USP47: variants seen among roughly 807,000 people sequenced by gnomAD.
USP47 encodes the protein ubiquitin specific peptidase 47.
A neutral mutation model predicts 165.1 loss-of-function variants in USP47; 35 were observed. That is an observed-to-expected ratio of 0.21 (90% CI 0.16 to 0.28). The LOEUF is 0.28. USP47 is among the 10% of genes least tolerant of loss of function. The probability of loss-of-function intolerance (pLI) is 1.00; values close to 1 mark genes in which losing one functional copy is unlikely to be tolerated. For synonymous variants in USP47, 531 were observed against 544.5 expected (o/e 0.98, Z 0.35); for missense variants, 1,277 against 1,607.4 (o/e 0.79, Z 3.52).
chr11:11,929,827 G>C (rs1289534163), intron 12 of USP47, among the ~76,000 whole-genome samples: 1 of 152,106 alleles, frequency 6.6e-6, no homozygotes, highest in Non-Finnish European at 1.5e-5. Context: ...ACCTTCATAG[G>C]TGCTACTTGT....
At chr11:11,844,317 C>A (rs865920504) in intron 1 of USP47, among the ~76,000 whole-genome samples, 3 of 152,258 alleles carry the variant, frequency 2.0e-5, no homozygotes, top group South Asian at 2.1e-4. Context: ...TTAGTCAAGG[C>A]CTTTCTCTTC....
intron 1 of USP47, among the ~76,000 whole-genome samples, chr11:11,861,150 A>AAC (rs1378220900): frequency 5.3e-5 from 8 of 152,126 alleles, no homozygotes; most frequent in Non-Finnish European, 7.4e-5. Context: ...GCTGGAGTAT[A>AAC]GTGACACGAT....
At chr11:11,854,040 C>G (rs2134154707) in intron 1 of USP47, among the ~76,000 whole-genome samples, 1 of 149,330 alleles carries the variant, frequency 6.7e-6, no homozygotes, top group South Asian at 2.1e-4. Context: ...GAGGCTGAGG[C>G]AGGAGAATGG....
chr11:11,868,516 C>T (rs919483234), intron 1 of USP47, among the ~76,000 whole-genome samples: 3 of 152,034 alleles, frequency 2.0e-5, no homozygotes, highest in Non-Finnish European at 2.9e-5. Flanking sequence ...TATGGATGTA[C>T]TATAATTTGT....
intron 2 of USP47, 120 bp downstream of exon 2, chr11:11,880,500 T>A: frequency 1.4e-6 from 1 of 702,224 alleles, no homozygotes; most frequent in Non-Finnish European, 2.0e-6. Context: ...ACAACTACAG[T>A]AAGAGCCTAT....
intron 13 of USP47, 106 bp downstream of exon 13, chr11:11,930,226 C>CCATG (rs1854563505): frequency 1.9e-6 from 2 of 1,031,822 alleles, no homozygotes; most frequent in Non-Finnish European, 2.9e-6. Context: ...GAACTACAAC[C>CCATG]CATGAGCCAA....
intron 8 of USP47, among the ~76,000 whole-genome samples, chr11:11,914,636 CAT>C (rs1283040324): frequency 4.6e-5 from 7 of 152,186 alleles, no homozygotes; most frequent in African/African-American, 7.2e-5. Flanking sequence ...ACAAAGGACT[CAT>C]ATCTAGAATA....
intron 16 of USP47, 128 bp from the exon 17 acceptor site, chr11:11,936,175 G>A: frequency 2.7e-6 from 1 of 371,362 alleles, no homozygotes; most frequent in Non-Finnish European, 4.2e-6. Flanking sequence ...TCATAAATGT[G>A]TGGATTTTGT....
intron 1 of USP47, among the ~76,000 whole-genome samples, chr11:11,877,793 C>G (rs1008720169): frequency 3.6e-5 from 2 of 55,512 alleles, no homozygotes; most frequent in Non-Finnish European, 7.2e-5. Flanking sequence ...CTCTCTTTCT[C>G]TCTCTCTCTC....
intron 4 of USP47, among the ~76,000 whole-genome samples, chr11:11,896,447 G>A (rs1402936032): frequency 6.6e-6 from 1 of 152,208 alleles, no homozygotes; most frequent in East Asian, 1.9e-4. Context: ...CAGCTCAGAA[G>A]AAGATACAGA....
At chr11:11,912,833 C>T (rs907121136) in intron 8 of USP47, among the ~76,000 whole-genome samples, 2 of 151,868 alleles carry the variant, frequency 1.3e-5, no homozygotes, top group East Asian at 1.9e-4. Context: ...GATTGATTTC[C>T]GGGATTCAAG....
At chr11:11,876,985 A>G (rs548978983) in intron 1 of USP47, among the ~76,000 whole-genome samples, 5 of 152,298 alleles carry the variant, frequency 3.3e-5, no homozygotes, top group East Asian at 3.9e-4. Context: ...ACCTTTGGGC[A>G]TAAGTAGGAT....
intron 14 of USP47, among the ~76,000 whole-genome samples, chr11:11,932,208 T>C (rs1258431797): frequency 1.3e-5 from 2 of 152,018 alleles, no homozygotes; most frequent in African/African-American, 4.8e-5. Flanking sequence ...CCACACACTT[T>C]TAAATGACCA....
At chr11:11,886,902 G>A (rs1851200281) in intron 3 of USP47, among the ~76,000 whole-genome samples, 2 of 152,276 alleles carry the variant, frequency 1.3e-5, no homozygotes, top group South Asian at 4.1e-4. Context: ...AACCCTACAA[G>A]CCAGAAGAGA....
In USP47 at chr11:11,956,072, G is replaced by T. The variant is rs747994208; in HGVS notation, c.3965G>T (p.Arg1322Leu). 1.2e-6 allele frequency: 2 copies of T among 1,605,232 alleles called. No homozygotes were observed. Among genetic ancestry groups the T allele is most frequent in the South Asian group, 1.1e-5 (1 of 89,018 alleles). Residue 1322 changes from arginine (R) to leucine (L), a missense_variant, in exon 28 of 28, where the codon CGA becomes CTA. Coordinates refer to ENST00000527733, the MANE Select transcript of USP47 (RefSeq NM_001282659.2). Reference sequence around the variant, plus strand: ...GAACTGATGAAAAAAGAAAGCAGTCGACTCCAGAAGACTGGACATCGTGTA... The same window carrying T: ...GAACTGATGAAAAAAGAAAGCAGTCTACTCCAGAAGACTGGACATCGTGTA... Reference protein sequence around the residue: ...RNELMKKESSRLQKTGHRVTY... With the variant: ...RNELMKKESSLLQKTGHRVTY...
At chr11:11,930,159 A>C (rs1354906811) in intron 13 of USP47, 39 bp downstream of exon 13, 2 of 1,532,944 alleles carry the variant, frequency 1.3e-6, no homozygotes. Context: ...AAAAGTTAGA[A>C]TTAATTATAG....
chr11:11,849,564 T>TA (rs1848614629), intron 1 of USP47, among the ~76,000 whole-genome samples: 1 of 152,258 alleles, frequency 6.6e-6, no homozygotes, highest in Non-Finnish European at 1.5e-5. Context: ...AGTGTATAAA[T>TA]GGCTTATCTT....
chr11:11,850,970 C>T (rs925686630), intron 1 of USP47, among the ~76,000 whole-genome samples: 1 of 152,196 alleles, frequency 6.6e-6, no homozygotes, highest in Non-Finnish European at 1.5e-5. Flanking sequence ...AGGGCCCTGC[C>T]TTCTTGATCC....
chr11:11,843,105 T>A (rs1286890256), intron 1 of USP47, among the ~76,000 whole-genome samples: 1 of 152,218 alleles, frequency 6.6e-6, no homozygotes, highest in African/African-American at 2.4e-5. Context: ...TTTTTATTTC[T>A]CATATACCTT....
Sources: allele counts gnomAD v4.1 joint callset (sites outside exome capture counted in the v4.1 genomes callset), GRCh38; gene constraint gnomAD v4.1.1; transcripts MANE v1.5; gene names NCBI Gene and HGNC (gene_info 2026-07-23, HGNC 2026-07-21).